SLC5A11: variants seen among roughly 807,000 people sequenced by gnomAD.
The protein encoded by SLC5A11 is sodium/myo-inositol cotransporter 2.
SLC5A11 carries 48 observed loss-of-function variants against 69.8 expected under a neutral mutation model. The ratio of observed to expected loss-of-function variants is 0.69; its 90% CI spans 0.55 to 0.87. The LOEUF (loss-of-function observed/expected upper bound fraction) is 0.87. SLC5A11 is among the 40% of genes least tolerant of loss of function. The pLI, the probability that SLC5A11 is intolerant of heterozygous loss-of-function variation, is 0.00. For missense variants in SLC5A11, 784 were observed against 866.1 expected (o/e 0.91, Z 1.19); for synonymous variants, 319 against 342.4 (o/e 0.93, Z 0.75).
intron 1 of SLC5A11, among the ~76,000 whole-genome samples, chr16:24,852,732 C>A (rs988131563): frequency 2.0e-5 from 3 of 152,210 alleles, no homozygotes; most frequent in African/African-American, 4.8e-5. Flanking sequence ...CTACGCTTCT[C>A]ATTGTTTTGT....
chr16:24,899,412 T>A (rs2049418333), intron 10 of SLC5A11, among the ~76,000 whole-genome samples: 1 of 145,376 alleles, frequency 6.9e-6, no homozygotes, highest in Non-Finnish European at 1.5e-5. Flanking sequence ...CCTTTTTGGA[T>A]TTTTTTTTTT....
chr16:24,907,856 G>A (rs1259886614), intron 12 of SLC5A11, 107 bp from the exon 14 acceptor site: 13 of 1,459,282 alleles, frequency 8.9e-6, no homozygotes, highest in South Asian at 6.3e-5. Flanking sequence ...ACTGCACCCC[G>A]GCCTTGGCAA....
intron 10 of SLC5A11, among the ~76,000 whole-genome samples, chr16:24,905,314 G>A (rs1010172462): frequency 2.1e-5 from 3 of 142,384 alleles, no homozygotes; most frequent in Admixed American, 7.3e-5. Flanking sequence ...GTGGTGGCAC[G>A]CCTATAATAC....
At position 24,869,131 on chromosome 16, in the gene SLC5A11, G is replaced by C. The variant is rs140368293; in HGVS notation, c.208-770G>C. Reference sequence around the variant, plus strand: ...GATCCGCCTGCCTCAGCCTCCCAAGGTGCTGGGATTACAAACGTGAGCCAG... The same window carrying C: ...GATCCGCCTGCCTCAGCCTCCCAAGCTGCTGGGATTACAAACGTGAGCCAG... On this transcript the variant is annotated intron_variant, in intron 3 of 15. Coordinates refer to ENST00000347898, the Ensembl canonical transcript of SLC5A11. Among the ~76,000 whole-genome samples, 304 of 152,156 alleles carry C rather than the reference G, an allele frequency of 2.0e-3. 3 individuals are homozygous for C. The highest frequency in any genetic ancestry group is 7.1e-3 in the African/African-American group (295 of 41,514).
chr16:24,909,023 T>C (rs746967956), exon 14 of SLC5A11: 5 of 1,614,022 alleles, frequency 3.1e-6, no homozygotes, highest in South Asian at 1.1e-5. Flanking sequence ...TACTTCTCCA[T>C]GATCCTGTCC....
At position 24,907,718 on chromosome 16, in the gene SLC5A11, T is replaced by G. The variant is rs8058673; in HGVS notation, c.1266-245T>G. On this transcript the variant is annotated intron_variant, in intron 12 of 15. Transcript: ENST00000347898. ...TGAGACTCTGTCTCAAAAAAAAAAA[T>G]TAAAATAATAAAATAAAATAAGCTG... Among the ~76,000 whole-genome samples, 4 of 139,266 alleles carry G rather than the reference T, an allele frequency of 2.9e-5. No homozygotes were observed. In the East Asian group the frequency reaches 7.9e-4, roughly 28 times the overall value. 91.4% of individuals were successfully genotyped at this position (139,266 alleles called of 152,430 possible).
intron 1 of SLC5A11, among the ~76,000 whole-genome samples, chr16:24,858,065 A>T (rs1340791757): frequency 6.6e-6 from 1 of 152,214 alleles, no homozygotes; most frequent in African/African-American, 2.4e-5. Context: ...ACCATCTGTA[A>T]AATGGGGATG....
chr16:24,879,876 A>G (rs1424158663), intron 7 of SLC5A11, among the ~76,000 whole-genome samples: 1 of 152,060 alleles, frequency 6.6e-6, no homozygotes, highest in Non-Finnish European at 1.5e-5. Flanking sequence ...GCTGTGTAGT[A>G]TTTCGTGGTA....
rs571183614 is a variant in SLC5A11 at position 24,858,913 on chromosome 16, A to G, written c.135+135A>G. The G allele has an allele frequency of 2.8e-4, 330 of 1,176,664 alleles. No homozygotes were observed. The African/African-American group carries it at 4.5e-3, about 16-fold the overall frequency. The allele number at this position is 1,176,664 out of a possible 1,614,324, so 72.9% of individuals were successfully genotyped here. On this transcript the variant is annotated intron_variant, in intron 2 of 15. Transcript: ENST00000347898. ...GAAACTAACACAAGGTTATAGAGTA[A>G]TCAGAACTTAAAAATTTTAAACATG...
chr16:24,862,776 T>C, intron 3 of SLC5A11, 104 bp downstream of exon 4: 1 of 940,910 alleles, frequency 1.1e-6, no homozygotes, highest in Non-Finnish European at 1.6e-6. Context: ...CTCATGTCGT[T>C]TGGAAGTCAT....
chr16:24,868,473 C>T (rs1229123680), intron 3 of SLC5A11, among the ~76,000 whole-genome samples: 2 of 150,934 alleles, frequency 1.3e-5, no homozygotes, highest in Admixed American at 1.3e-4. Context: ...GTGGCGGGCG[C>T]CTGTAGTCCC....
intron 8 of SLC5A11, among the ~76,000 whole-genome samples, chr16:24,886,099 A>T (rs1025079924): frequency 4.7e-5 from 7 of 149,056 alleles, no homozygotes; most frequent in Admixed American, 3.4e-4. Context: ...CAGTGGCATG[A>T]TCTTGGCTCA....
intron 8 of SLC5A11, among the ~76,000 whole-genome samples, chr16:24,887,179 G>T (rs2048451087): frequency 6.6e-6 from 1 of 152,130 alleles, no homozygotes; most frequent in South Asian, 2.1e-4. Flanking sequence ...TCTGAACCAT[G>T]CAAAGACTTA....
intron 2 of SLC5A11, among the ~76,000 whole-genome samples, chr16:24,861,782 G>A (rs1429540371): frequency 7.0e-6 from 1 of 143,856 alleles, no homozygotes; most frequent in Non-Finnish European, 1.5e-5. Flanking sequence ...AAAGAAAAAG[G>A]AAGGAAGGAA....
chr16:24,906,668 T>C (rs1266819195), exon 11 of SLC5A11: 2 of 1,609,426 alleles, frequency 1.2e-6, no homozygotes, highest in East Asian at 2.2e-5. Context: ...TCAAGTGGCC[T>C]GTGCAGATCC....
intron 7 of SLC5A11, 73 bp from the exon 9 acceptor site, chr16:24,883,978 G>T (rs961003387): frequency 1.4e-6 from 2 of 1,416,618 alleles, no homozygotes; most frequent in Middle Eastern, 1.8e-4. Context: ...GGCCTTCCAG[G>T]TTCCCTTGGT....
intron 7 of SLC5A11, among the ~76,000 whole-genome samples, chr16:24,882,153 A>G (rs1336068420): frequency 6.6e-6 from 1 of 152,164 alleles, no homozygotes; most frequent in Non-Finnish European, 1.5e-5. Flanking sequence ...GGCAGGGAAC[A>G]TGCCATTTTG....
intron 1 of SLC5A11, among the ~76,000 whole-genome samples, chr16:24,851,772 T>C (rs1367676862): frequency 2.0e-5 from 3 of 152,134 alleles, no homozygotes; most frequent in Non-Finnish European, 4.4e-5. Context: ...AAATTGAGCC[T>C]CAGAGAGGTG....
At chr16:24,879,191 A>C (rs938114869) in intron 7 of SLC5A11, among the ~76,000 whole-genome samples, 1 of 151,560 alleles carries the variant, frequency 6.6e-6, no homozygotes, top group Admixed American at 6.6e-5. Flanking sequence ...CTAAGGTGAT[A>C]TCTCAACCAA....
Sources: gnomAD v4.1 joint callset for allele counts (sites outside exome capture counted in the v4.1 genomes callset) on GRCh38, gnomAD v4.1.1 for gene constraint, MANE v1.5 for transcripts, NCBI Gene and HGNC (gene_info 2026-07-23, HGNC 2026-07-21) for gene names.